The following DNAH11 variants were observed in gnomAD, a reference collection of about 807,000 sequenced individuals.
DNAH11 encodes dynein axonemal heavy chain 11, also known as axonemal beta dynein heavy chain 11.
Under a neutral mutation model 526.0 loss-of-function variants are expected in DNAH11, and 442 were observed. The ratio of observed to expected loss-of-function variants is 0.84; its 90% CI spans 0.78 to 0.91. DNAH11 has a LOEUF of 0.91. Among genes scored for constraint, DNAH11 ranks in the 40% least tolerant of loss-of-function variants. The pLI, the probability that DNAH11 is intolerant of heterozygous loss-of-function variation, is 0.00. For missense variants in DNAH11, 6,989 were observed against 5,448.7 expected, an observed-to-expected ratio of 1.28 and a Z score of -8.90; for synonymous variants, 2,461 against 1,935.9, an observed-to-expected ratio of 1.27 and a Z score of -7.12.
chr7:21,765,297 C>T, intron 54 of DNAH11, 131 bp from the exon 55 acceptor site: 2 of 1,327,942 alleles, frequency 1.5e-6, no homozygotes, highest in Non-Finnish European at 2.1e-6. Flanking sequence ...TTGCTGTCCA[C>T]TCTCTAGGGC....
intron 10 of DNAH11, 97 bp from the exon 11 acceptor site, chr7:21,588,415 C>T: frequency 6.8e-7 from 1 of 1,474,824 alleles, no homozygotes; most frequent in Non-Finnish European, 9.3e-7. Flanking sequence ...TTTTATACTA[C>T]TGTAAAAATA....
At chr7:21,781,494 TTC>T (rs1218643159) in intron 57 of DNAH11, among the ~76,000 whole-genome samples, 2 of 152,250 alleles carry the variant, frequency 1.3e-5, no homozygotes, top group African/African-American at 4.8e-5. Context: ...ATGCTGAGAA[TTC>T]TCTCATTGCT....
At chr7:21,628,430 T>C (rs1392488051) in intron 25 of DNAH11, among the ~76,000 whole-genome samples, 1 of 152,136 alleles carries the variant, frequency 6.6e-6, no homozygotes, top group Non-Finnish European at 1.5e-5. Context: ...GTGGATTTAT[T>C]GTATATGTCC....
chr7:21,867,584 T>C (rs1347291034), intron 71 of DNAH11, among the ~76,000 whole-genome samples: 2 of 152,118 alleles, frequency 1.3e-5, no homozygotes, highest in African/African-American at 2.4e-5. Flanking sequence ...TACAAAGCCA[T>C]AGCAGACAGC....
At chr7:21,761,475 A>G (rs1040260925) in intron 54 of DNAH11, among the ~76,000 whole-genome samples, 39 of 152,338 alleles carry the variant, frequency 2.6e-4, no homozygotes, top group Non-Finnish European at 4.1e-4. Context: ...AACTGCAAAA[A>G]CATTAGAAAA....
At chr7:21,600,979 G>A (rs759636322) in intron 16 of DNAH11, 31 bp from the exon 17 acceptor site, 1 of 1,610,632 alleles carries the variant, frequency 6.2e-7, no homozygotes, top group South Asian at 1.1e-5. Flanking sequence ...TTTTCACTGA[G>A]TTGTTCTAAT....
At chr7:21,551,956 G>C (rs1038134169) in intron 2 of DNAH11, among the ~76,000 whole-genome samples, 2 of 152,144 alleles carry the variant, frequency 1.3e-5, no homozygotes, top group African/African-American at 4.8e-5. Context: ...TCCTGACCCA[G>C]TGTGGGTTGC....
chr7:21,663,114 T>C (rs1015407817), intron 30 of DNAH11, among the ~76,000 whole-genome samples: 3 of 152,144 alleles, frequency 2.0e-5, no homozygotes, highest in African/African-American at 7.2e-5. Flanking sequence ...CTGATGATAA[T>C]GACCTCTAGT....
intron 73 of DNAH11, among the ~76,000 whole-genome samples, chr7:21,872,294 C>G (rs746751641): frequency 1.3e-5 from 2 of 151,944 alleles, no homozygotes; most frequent in East Asian, 3.9e-4. Flanking sequence ...TACCAGTGTT[C>G]ATTATTTGCC....
At chr7:21,569,982 TAA>T in intron 6 of DNAH11, 85 bp from the exon 7 acceptor site, 2 of 1,134,160 alleles carry the variant, frequency 1.8e-6, no homozygotes, top group Non-Finnish European at 2.4e-6. Context: ...TACTGGCATT[TAA>T]AAATGATTCT....
intron 35 of DNAH11, among the ~76,000 whole-genome samples, chr7:21,696,877 G>A (rs148023753): frequency 0.011 from 1,746 of 152,264 alleles, 26 homozygotes; most frequent in African/African-American, 0.037. Context: ...AATATGGTAT[G>A]AAGTGCTCAG....
At chr7:21,762,926 AGACAACCTATGTGAAATG>A (rs1301934616) in intron 54 of DNAH11, among the ~76,000 whole-genome samples, 1 of 152,238 alleles carries the variant, frequency 6.6e-6, no homozygotes, top group African/African-American at 2.4e-5. Flanking sequence ...ACAGAATGAA[AGACAACCTATGTGAAATG>A]GGAGAAAATA....
chr7:21,686,974 T>C (rs971879825), intron 32 of DNAH11, 125 bp from the exon 33 acceptor site: 1 of 776,990 alleles, frequency 1.3e-6, no homozygotes, highest in Non-Finnish European at 1.9e-6. Flanking sequence ...ATCAGAAGTA[T>C]ATCAGTATTT....
intron 45 of DNAH11, among the ~76,000 whole-genome samples, chr7:21,733,598 G>A (rs1358645911): frequency 6.6e-6 from 1 of 152,198 alleles, no homozygotes; most frequent in Non-Finnish European, 1.5e-5. Flanking sequence ...ATGCACCTTA[G>A]CGATGATATC....
At chr7:21,768,352 G>A (rs1419949645) in intron 55 of DNAH11, among the ~76,000 whole-genome samples, 1 of 152,218 alleles carries the variant, frequency 6.6e-6, no homozygotes, top group African/African-American at 2.4e-5. Context: ...AAGCTGCGGT[G>A]TTGAAAAACA....
Position 21,559,096 on chromosome 7 carries a change from G to A in DNAH11, c.692+98G>A, listed in dbSNP as rs1043956611. The A allele has an allele frequency of 2.1e-5, 22 of 1,042,500 alleles. No individual in the cohort carries two copies. In the East Asian group the frequency reaches 5.1e-4, roughly 24 times the overall value. 64.6% of individuals were successfully genotyped at this position (1,042,500 alleles called of 1,614,324 possible). On this transcript the variant is annotated intron_variant, in intron 3 of 81. Transcript: ENST00000409508. ...TCCCAGCAATTTGGAGGCTGAGGTGGGAGGGTTGCTTGATCCCAGGAGTTC... is the reference window on the plus strand; with the variant it reads ...TCCCAGCAATTTGGAGGCTGAGGTGAGAGGGTTGCTTGATCCCAGGAGTTC...
intron 54 of DNAH11, 41 bp downstream of exon 54, chr7:21,750,405 G>C (rs1446210454): frequency 2.6e-6 from 4 of 1,563,988 alleles, no homozygotes; most frequent in South Asian, 1.2e-5. Context: ...GTTAAAACCT[G>C]CTATTGCAAC....
intron 25 of DNAH11, among the ~76,000 whole-genome samples, chr7:21,629,784 C>T (rs1023322269): frequency 2.6e-5 from 4 of 152,000 alleles, no homozygotes; most frequent in African/African-American, 9.7e-5. Context: ...TCATTTTCCA[C>T]TCTTTCACTT....
chr7:21,671,088 TG>T (rs1370863202), intron 30 of DNAH11, among the ~76,000 whole-genome samples: 1 of 152,232 alleles, frequency 6.6e-6, no homozygotes, highest in Non-Finnish European at 1.5e-5. Context: ...TAGACATCAC[TG>T]GTGATGCATC....
Sources: allele counts gnomAD v4.1 joint callset (sites outside exome capture counted in the v4.1 genomes callset), GRCh38; gene constraint gnomAD v4.1.1; transcripts MANE v1.5; gene names NCBI Gene and HGNC (gene_info 2026-07-23, HGNC 2026-07-21).